The following PALM2AKAP2 variants were observed in gnomAD, a reference collection of about 807,000 sequenced individuals.
PALM2AKAP2 encodes PALM2 and AKAP2 fusion.
A neutral mutation model predicts 71.5 loss-of-function variants in PALM2AKAP2; 37 were observed. That is an observed-to-expected ratio of 0.52 (90% CI 0.40 to 0.68). PALM2AKAP2 has a LOEUF of 0.68. Among genes scored for constraint, PALM2AKAP2 ranks in the 30% least tolerant of loss-of-function variants. The pLI is 0.00. For missense variants in PALM2AKAP2, 1,224 were observed against 1,191.8 expected (o/e 1.03, Z -0.40); for synonymous variants, 468 against 478.8 (o/e 0.98, Z 0.29).
chr9:110,165,025 T>C (rs1293082244), intron 3 of PALM2AKAP2, among the ~76,000 whole-genome samples: 1 of 152,124 alleles, frequency 6.6e-6, no homozygotes, highest in Non-Finnish European at 1.5e-5. Context: ...TTCTGCTAAC[T>C]GGGTAATTCT....
At chr9:109,735,697 A>T (rs1353435805) in intron 1 of PALM2AKAP2, among the ~76,000 whole-genome samples, 1 of 152,192 alleles carries the variant, frequency 6.6e-6, no homozygotes, top group Non-Finnish European at 1.5e-5. Flanking sequence ...AAAAGGGAAG[A>T]TGGTGTAGAT....
At chr9:109,997,058 A>C (rs529416584) in intron 6 of PALM2AKAP2, among the ~76,000 whole-genome samples, 38 of 152,204 alleles carry the variant, frequency 2.5e-4, no homozygotes, top group African/African-American at 9.2e-4. Context: ...GCGTGGTGGC[A>C]TGTACTTATA....
At chr9:109,671,999 T>C (rs1296809640) in intron 1 of PALM2AKAP2, among the ~76,000 whole-genome samples, 1 of 152,174 alleles carries the variant, frequency 6.6e-6, no homozygotes, top group Non-Finnish European at 1.5e-5. Flanking sequence ...TCAGAAGCTT[T>C]TTGGCTGAGA....
chr9:109,649,582 T>C (rs1275879073), intron 1 of PALM2AKAP2, among the ~76,000 whole-genome samples: 1 of 152,242 alleles, frequency 6.6e-6, no homozygotes, highest in Non-Finnish European at 1.5e-5. Context: ...TTTTGGGCTA[T>C]TTTTCTGAAA....
At chr9:110,165,314 AC>A (rs1836709060) in intron 3 of PALM2AKAP2, among the ~76,000 whole-genome samples, 1 of 139,974 alleles carries the variant, frequency 7.1e-6, no homozygotes, top group African/African-American at 2.5e-5. Flanking sequence ...ACACACACAC[AC>A]ACACACACAC....
intron 6 of PALM2AKAP2, among the ~76,000 whole-genome samples, chr9:109,948,686 A>G (rs912458221): frequency 6.6e-6 from 1 of 152,244 alleles, no homozygotes; most frequent in Admixed American, 6.5e-5. Context: ...TTTACAAAAA[A>G]TAAAAATAAA....
intron 6 of PALM2AKAP2, 99 bp from the exon 7 acceptor site, chr9:110,015,855 T>A: frequency 8.8e-7 from 1 of 1,139,044 alleles, no homozygotes; most frequent in East Asian, 2.5e-5. Context: ...ATCAGCTCCC[T>A]TTACAAGTCA....
intron 1 of PALM2AKAP2, among the ~76,000 whole-genome samples, chr9:110,069,695 C>T (rs76438052): frequency 0.013 from 2,043 of 152,180 alleles, 37 homozygotes; most frequent in African/African-American, 0.047. Flanking sequence ...AACCAGGAGG[C>T]GCTGAGGGAA....
chr9:109,681,646 A>T (rs558800751), intron 1 of PALM2AKAP2, among the ~76,000 whole-genome samples: 1 of 152,226 alleles, frequency 6.6e-6, no homozygotes, highest in South Asian at 2.1e-4. Context: ...CATTTTTACA[A>T]TGGGTTTTTC....
chr9:109,839,658 A>T lies in PALM2AKAP2; in HGVS notation c.46-27833A>T, dbSNP rs547343257. ...AACCCCAAATCTCCTTAAGCTGATA[A>T]GCAACTTCAGCAAAGTCTCAGGATA... On this transcript the variant is annotated intron_variant, in intron 1 of 9. Coordinates refer to the PALM2AKAP2 transcript ENST00000302798. Among the ~76,000 whole-genome samples the T allele has an allele frequency of 3.5e-4, 54 of 152,336 alleles. 2 individuals are homozygous for T. The South Asian group carries it at 0.011, about 30-fold the overall frequency.
intron 1 of PALM2AKAP2, among the ~76,000 whole-genome samples, chr9:109,841,001 G>C (rs1587949962): frequency 6.6e-6 from 1 of 152,152 alleles, no homozygotes; most frequent in East Asian, 1.9e-4. Context: ...ATTTGACCCA[G>C]CCATCCCATT....
intron 7 of PALM2AKAP2, among the ~76,000 whole-genome samples, chr9:110,035,610 TTA>T (rs1467739426): frequency 1.4e-5 from 2 of 138,800 alleles, no homozygotes; most frequent in Middle Eastern, 7.8e-3. Context: ...ATGTTGTGTG[TTA>T]TATATAACAT....
intron 1 of PALM2AKAP2, among the ~76,000 whole-genome samples, chr9:109,752,087 TTGCTAGGTCTG>T (rs1828894683): frequency 6.6e-6 from 1 of 152,160 alleles, no homozygotes. Flanking sequence ...CTACTATGTA[TTGCTAGGTCTG>T]TGCTAGGTGC....
chr9:109,923,965 A>G, intron 4 of PALM2AKAP2, 116 bp downstream of exon 4: 1 of 1,086,710 alleles, frequency 9.2e-7, no homozygotes, highest in Non-Finnish European at 1.3e-6. Context: ...TGAGCCACGA[A>G]CTCTATGAAA....
chr9:109,841,557 T>G (rs974545193), intron 1 of PALM2AKAP2, among the ~76,000 whole-genome samples: 31 of 7,150 alleles, frequency 4.3e-3, no homozygotes, highest in South Asian at 7.4e-3. Flanking sequence ...GAGGGGAGGG[T>G]GGGGGGATGG....
chr9:109,874,696 G>A (rs914826823), intron 2 of PALM2AKAP2, among the ~76,000 whole-genome samples: 20 of 152,138 alleles, frequency 1.3e-4, no homozygotes, highest in Non-Finnish European at 8.8e-5. Context: ...AACTTAACAT[G>A]CCCAAAATGA....
At chr9:109,985,723 C>T (rs1175962363) in intron 6 of PALM2AKAP2, among the ~76,000 whole-genome samples, 1 of 149,582 alleles carries the variant, frequency 6.7e-6, no homozygotes, top group Non-Finnish European at 1.5e-5. Context: ...GATCTCTGCT[C>T]ACTGCAACCT....
At chr9:110,063,774 A>C (rs2118513033) in intron 1 of PALM2AKAP2, among the ~76,000 whole-genome samples, 1 of 152,294 alleles carries the variant, frequency 6.6e-6, no homozygotes, top group East Asian at 1.9e-4. Flanking sequence ...AACACCAGTC[A>C]TATTAGACTC....
intron 6 of PALM2AKAP2, among the ~76,000 whole-genome samples, chr9:109,933,109 C>T (rs1160611267): frequency 6.6e-6 from 1 of 152,240 alleles, no homozygotes; most frequent in Non-Finnish European, 1.5e-5. Flanking sequence ...TGTACAGACT[C>T]ACAGAGTCCT....
Sources: gnomAD v4.1 joint callset for allele counts (sites outside exome capture counted in the v4.1 genomes callset) on GRCh38, gnomAD v4.1.1 for gene constraint, MANE v1.5 for transcripts, NCBI Gene and HGNC (gene_info 2026-07-23, HGNC 2026-07-21) for gene names.